SORCS1: variants seen among roughly 807,000 people sequenced by gnomAD.
The protein encoded by SORCS1 is sortilin related VPS10 domain containing receptor 1, also known as VPS10 domain-containing receptor SorCS1.
In SORCS1, 60 loss-of-function variants were observed where a neutral mutation model predicts 146.1. That is an observed-to-expected ratio of 0.41 (90% CI 0.33 to 0.51). SORCS1 has a LOEUF of 0.51. SORCS1 is among the 20% of genes least tolerant of loss of function. The pLI is 0.21. For missense variants in SORCS1, 1,352 were observed against 1,487.6 expected (o/e 0.91, Z 1.50); for synonymous variants, 637 against 584.0 (o/e 1.09, Z -1.31).
rs117785164 is a variant in SORCS1 at position 106,816,333 on chromosome 10, T to G, written c.726+13241A>C. Among the ~76,000 whole-genome samples the G allele has an allele frequency of 9.6e-3, 1,466 of 152,260 alleles. 16 individuals carry two copies. The highest frequency in any genetic ancestry group is 0.014 in the Non-Finnish European group (982 of 68,012). The stretch of plus-strand genomic sequence containing the variant: ...GGCTCCAAATGCCCTAAACCTAAAT[T>G]TGATTATAGGAAGAAACTTACGTTT... On this transcript the variant is annotated intron_variant, in intron 3 of 25. Transcript: ENST00000263054.
At chr10:106,831,777 G>A (rs780171711) in intron 2 of SORCS1, among the ~76,000 whole-genome samples, 5 of 152,142 alleles carry the variant, frequency 3.3e-5, no homozygotes, top group African/African-American at 4.8e-5. Flanking sequence ...ACACTTCAGA[G>A]GATTTAGATG....
chr10:107,077,572 T>C (rs1429596106), intron 1 of SORCS1, among the ~76,000 whole-genome samples: 4 of 151,174 alleles, frequency 2.6e-5, no homozygotes, highest in South Asian at 2.1e-4. Context: ...ATTTGTTATA[T>C]AGCAAGCACT....
intron 1 of SORCS1, among the ~76,000 whole-genome samples, chr10:107,159,538 C>A (rs1969548088): frequency 6.6e-6 from 1 of 152,072 alleles, no homozygotes. Context: ...AGGAATAAAG[C>A]ACTTTGTATC....
intron 2 of SORCS1, among the ~76,000 whole-genome samples, chr10:106,951,629 T>C (rs1450151304): frequency 6.6e-6 from 1 of 151,720 alleles, no homozygotes; most frequent in Non-Finnish European, 1.5e-5. Context: ...AAGGAGTTAA[T>C]CAATACAACA....
At chr10:106,784,702 C>T (rs781285616) in intron 3 of SORCS1, among the ~76,000 whole-genome samples, 1 of 152,170 alleles carries the variant, frequency 6.6e-6, no homozygotes, top group Non-Finnish European at 1.5e-5. Context: ...GAGAAACAGA[C>T]ATTCATCTTC....
chr10:106,582,176 T>C (rs894060226), intron 24 of SORCS1, among the ~76,000 whole-genome samples: 2 of 152,064 alleles, frequency 1.3e-5, no homozygotes, highest in Admixed American at 6.6e-5. Context: ...TTTTCCCTTC[T>C]CTTTCCTTCC....
At chr10:106,973,907 T>C (rs984349300) in intron 1 of SORCS1, among the ~76,000 whole-genome samples, 2 of 152,218 alleles carry the variant, frequency 1.3e-5, no homozygotes, top group Non-Finnish European at 2.9e-5. Context: ...CTTGGCAGAA[T>C]TATTGAATGG....
chr10:107,169,436 T>C (rs370393753), upstream of SORCS1, among the ~76,000 whole-genome samples: 3 of 152,166 alleles, frequency 2.0e-5, no homozygotes, highest in East Asian at 5.8e-4. Context: ...ATCCAGTAAT[T>C]GTACCCGTTC....
At chr10:107,085,414 A>G (rs1156951756) in intron 1 of SORCS1, among the ~76,000 whole-genome samples, 4 of 152,220 alleles carry the variant, frequency 2.6e-5, no homozygotes, top group African/African-American at 9.6e-5. Context: ...TTATGCAAAT[A>G]CTTGTGAAAT....
At chr10:106,829,524 G>T in intron 3 of SORCS1, 50 bp downstream of exon 3, 1 of 1,412,540 alleles carries the variant, frequency 7.1e-7, no homozygotes, top group Non-Finnish European at 9.8e-7. Context: ...AGCCAACCAA[G>T]ACAGAAGTCA....
In SORCS1 at chr10:107,091,944, C is replaced by T. The variant is rs144778182; in HGVS notation, c.558+72025G>A. On this transcript the variant is annotated intron_variant, in intron 1 of 25. Coordinates refer to ENST00000263054, the MANE Select transcript of SORCS1 (RefSeq NM_052918.5). ...GTATGAATGAGCTCCTACATAATGC[C>T]ATCAGAGTACACGACACTGCACATC... is the stretch of plus-strand genomic sequence containing the variant. Among the ~76,000 whole-genome samples the T allele has an allele frequency of 7.9e-5, 12 of 152,270 alleles. No homozygotes were observed. In the East Asian group the frequency reaches 2.1e-3, roughly 27 times the overall value.
chr10:106,603,502 G>A (rs1191740542), intron 23 of SORCS1, among the ~76,000 whole-genome samples: 2 of 152,186 alleles, frequency 1.3e-5, no homozygotes, highest in African/African-American at 4.8e-5. Context: ...CTGCTCCCCA[G>A]GAAGGCTCTC....
chr10:107,048,874 G>A (rs927519942), intron 1 of SORCS1, among the ~76,000 whole-genome samples: 5 of 152,054 alleles, frequency 3.3e-5, no homozygotes, highest in Non-Finnish European at 7.4e-5. Flanking sequence ...TGACAGTAGC[G>A]GTAAATTTGT....
chr10:107,111,919 A>G (rs934546016), intron 1 of SORCS1, among the ~76,000 whole-genome samples: 8 of 152,208 alleles, frequency 5.3e-5, no homozygotes, highest in Non-Finnish European at 7.4e-5. Flanking sequence ...GAGTAAGGTA[A>G]TATATTCAAA....
chr10:107,164,424 C>G lies in SORCS1; in HGVS notation c.103G>C (p.Gly35Arg). The G allele has an allele frequency of 7.1e-7, 1 of 1,407,846 alleles. No homozygotes were observed. The highest frequency in any genetic ancestry group is 1.6e-5 in the South Asian group (1 of 62,932). The allele number at this position is 1,407,846 out of a possible 1,614,324, so 87.2% of individuals were successfully genotyped here. The change falls in exon 1 of 26, where the codon GGC becomes CGC. Residue 35 changes from glycine to arginine, a missense_variant. This residue lies in a region of SORCS1 where 490 missense variants were observed against 489.1 expected (regional missense o/e 1.00). Coordinates refer to ENST00000263054, the MANE Select transcript of SORCS1 (RefSeq NM_052918.5). This position sits in a 1 kb window ranked among gnomAD's most constrained non-coding sequence, Gnocchi z 6.8. ...GGGTGCGGCGAGGGGCAGCAGGAGC[C>G]GCCGCCGCAGACGCCCGGGGCGCAG... ...ILCAPGVCGGGSCCPSPHPSS... is the reference protein window; with the variant it reads ...ILCAPGVCGGRSCCPSPHPSS...
chr10:107,041,452 C>T (rs1959148733), intron 1 of SORCS1, among the ~76,000 whole-genome samples: 1 of 151,432 alleles, frequency 6.6e-6, no homozygotes, highest in Admixed American at 6.6e-5. Flanking sequence ...TTTCTGATAA[C>T]TTCAGCATTA....
intron 1 of SORCS1, among the ~76,000 whole-genome samples, chr10:106,987,574 C>G (rs74152296): frequency 6.6e-6 from 1 of 152,160 alleles, no homozygotes; most frequent in East Asian, 1.9e-4. Flanking sequence ...CCTTACGGAC[C>G]GGGCAGTGCC....
chr10:106,754,568 G>C, intron 5 of SORCS1, among the ~76,000 whole-genome samples: 1 of 152,140 alleles, frequency 6.6e-6, no homozygotes, highest in East Asian at 1.9e-4. Context: ...AAAATACTTA[G>C]CACAAGGCTT....
chr10:106,624,269 G>A (rs1847936182), intron 19 of SORCS1, among the ~76,000 whole-genome samples: 2 of 151,910 alleles, frequency 1.3e-5, no homozygotes, highest in African/African-American at 2.4e-5. Flanking sequence ...CGAGGAAGAG[G>A]GATGCCTGCC....
Sources: allele counts gnomAD v4.1 joint callset (sites outside exome capture counted in the v4.1 genomes callset), GRCh38; gene constraint gnomAD v4.1.1; regional missense constraint gnomAD v4.1.1; non-coding constraint Gnocchi (gnomAD v3.1); transcripts MANE v1.5; gene names NCBI Gene and HGNC (gene_info 2026-07-23, HGNC 2026-07-21).